The following EIF2AK4 variants were observed in gnomAD, a reference collection of about 807,000 sequenced individuals.
The protein encoded by EIF2AK4 is eukaryotic translation initiation factor 2 alpha kinase 4.
In EIF2AK4, 139 loss-of-function variants were observed where a neutral mutation model predicts 211.1. That is an observed-to-expected ratio of 0.66 (90% CI 0.57 to 0.76). The LOEUF (loss-of-function observed/expected upper bound fraction) is 0.76. EIF2AK4 is among the 30% of genes least tolerant of loss of function. The pLI is 0.00. For missense variants in EIF2AK4, 1,664 were observed against 2,043.8 expected (o/e 0.81, Z 3.58); for synonymous variants, 710 against 751.3 (o/e 0.94, Z 0.90).
At chr15:39,979,417 A>C (rs1318816287) in intron 13 of EIF2AK4, among the ~76,000 whole-genome samples, 2 of 152,228 alleles carry the variant, frequency 1.3e-5, no homozygotes, top group East Asian at 1.9e-4. Context: ...AAATCTGTTA[A>C]GTTTACTTTG....
intron 27 of EIF2AK4, among the ~76,000 whole-genome samples, chr15:40,013,334 G>A (rs146546174): frequency 1.1e-4 from 17 of 152,082 alleles, no homozygotes; most frequent in African/African-American, 3.4e-4. Flanking sequence ...GATAGCAGGC[G>A]TGAGCCATTG....
chr15:39,992,584 C>G, intron 17 of EIF2AK4, 185 bp from the exon 18 acceptor site: 1 of 608,572 alleles, frequency 1.6e-6, no homozygotes, highest in Non-Finnish European at 2.9e-6. Flanking sequence ...TTGTGTAGAA[C>G]CGAATGTGTG....
intron 32 of EIF2AK4, among the ~76,000 whole-genome samples, chr15:40,024,427 G>A (rs1211588094): frequency 4.0e-5 from 1 of 25,264 alleles, no homozygotes; most frequent in Non-Finnish European, 9.7e-5. Flanking sequence ...TTTTTTTTTT[G>A]AGATGGATTC....
At chr15:39,967,273 C>A (rs1355739252) in intron 8 of EIF2AK4, 71 bp from the exon 9 acceptor site, 1 of 1,459,086 alleles carries the variant, frequency 6.9e-7, no homozygotes, top group Admixed American at 2.5e-5. Flanking sequence ...TCAAATACTT[C>A]ACTTTTGAAA....
At chr15:39,950,526 G>A (rs530276282) in intron 4 of EIF2AK4, among the ~76,000 whole-genome samples, 1 of 151,804 alleles carries the variant, frequency 6.6e-6, no homozygotes, top group East Asian at 1.9e-4. Flanking sequence ...GGGAGGAGGA[G>A]GTTGCAGTGA....
Position 39,976,686 on chromosome 15 carries a change from G to T in EIF2AK4, c.2091G>T (p.Glu697Asp). 1 of 1,601,732 alleles carries T rather than the reference G, an allele frequency of 6.2e-7. No homozygotes were observed. ...ACACAGACGGCCTGGACAGCGTAGAGGCCGCCGCGCCGCCACCCATCCTCA... is the reference window on the plus strand; with the variant it reads ...ACACAGACGGCCTGGACAGCGTAGATGCCGCCGCGCCGCCACCCATCCTCA... ...ASDTDGLDSV[E>D]AAAPPPILSS... is the part of the protein sequence containing the mutation. The change falls in exon 12 of 39, where the codon GAG becomes GAT. Residue 697 changes from glutamate (E) to aspartate (D), a missense_variant. Glu to Asp is a conservative substitution (Grantham distance 45). Around this residue, in one of 7 missense-constraint regions of EIF2AK4, gnomAD observed 206 missense variants for 201.9 expected, o/e 1.02. Coordinates refer to ENST00000263791, the MANE Select transcript of EIF2AK4 (RefSeq NM_001013703.4).
rs770082929 is a variant in EIF2AK4, at chr15:39,976,576, C to T, written c.1981C>T (p.Arg661Trp). Residue 661 changes from arginine to tryptophan, a missense_variant, in exon 12 of 39, where the codon CGG (arginine) becomes TGG (tryptophan). By Grantham distance (101) the Arg-to-Trp change is moderately radical. Coordinates refer to ENST00000263791, the MANE Select transcript of EIF2AK4 (RefSeq NM_001013703.4). Reference sequence around the variant, plus strand: ...CAACGCCTGGATCGAGCGGCACGAGCGGCCGGCGGGACCGGGGACGCCGCC... The same window carrying T: ...CAACGCCTGGATCGAGCGGCACGAGTGGCCGGCGGGACCGGGGACGCCGCC... ...YYNAWIERHE[R>W]PAGPGTPPPD... The T allele has an allele frequency of 5.6e-6, 9 of 1,611,312 alleles. No individual in the cohort carries two copies. The highest frequency in any genetic ancestry group is 7.6e-6 in the Non-Finnish European group (9 of 1,179,244).
At chr15:40,020,282 GTATT>G (rs2035365719) in intron 30 of EIF2AK4, among the ~76,000 whole-genome samples, 1 of 151,310 alleles carries the variant, frequency 6.6e-6, no homozygotes, top group South Asian at 2.1e-4. Context: ...GAGAAAAATG[GTATT>G]TTCCAGATGG....
intron 13 of EIF2AK4, among the ~76,000 whole-genome samples, chr15:39,981,040 A>G (rs1194577089): frequency 1.3e-5 from 2 of 152,210 alleles, no homozygotes; most frequent in African/African-American, 2.4e-5. Flanking sequence ...CTACTAATAA[A>G]CATTTATTAG....
At chr15:39,936,479 C>T (rs1190255820) in intron 1 of EIF2AK4, among the ~76,000 whole-genome samples, 2 of 152,162 alleles carry the variant, frequency 1.3e-5, no homozygotes, top group African/African-American at 4.8e-5. Flanking sequence ...GTGGAGCAAT[C>T]TCGGCTCACT....
chr15:39,979,001 A>G (rs2412454), intron 13 of EIF2AK4, among the ~76,000 whole-genome samples: 47,538 of 152,190 alleles, frequency 0.31, 9,851 homozygotes, highest in Non-Finnish European at 0.47. Context: ...TGAAACGTTT[A>G]ACAAACTGAT....
intron 3 of EIF2AK4, among the ~76,000 whole-genome samples, chr15:39,945,810 C>G (rs1240092501): frequency 6.6e-6 from 1 of 152,182 alleles, no homozygotes; most frequent in Non-Finnish European, 1.5e-5. Context: ...ACTTACCATG[C>G]CCAAAGTTCC....
chr15:39,967,126 CT>C (rs1383548231), intron 8 of EIF2AK4, among the ~76,000 whole-genome samples: 1 of 152,086 alleles, frequency 6.6e-6, no homozygotes, highest in Admixed American at 6.5e-5. Context: ...TCTTTATGAA[CT>C]ATTAGATTGA....
intron 6 of EIF2AK4, among the ~76,000 whole-genome samples, chr15:39,959,842 T>C (rs2034441621): frequency 1.3e-5 from 2 of 152,216 alleles, no homozygotes; most frequent in African/African-American, 4.8e-5. Context: ...AGAACTACAA[T>C]GTATTTGCTG....
chr15:39,972,748 A>T (rs1182699227), intron 9 of EIF2AK4, among the ~76,000 whole-genome samples, 160 bp from the exon 10 acceptor site: 1 of 152,200 alleles, frequency 6.6e-6, no homozygotes, highest in Admixed American at 6.5e-5. Flanking sequence ...AGGAATGTTT[A>T]TTAATTTAAA....
intron 3 of EIF2AK4, among the ~76,000 whole-genome samples, chr15:39,945,375 T>C (rs1386895237): frequency 6.6e-6 from 1 of 152,166 alleles, no homozygotes; most frequent in African/African-American, 2.4e-5. Context: ...GAAGATCAAA[T>C]TAGCCACCAC....
chr15:40,001,809 T>C (rs1041626639), intron 21 of EIF2AK4, among the ~76,000 whole-genome samples: 1 of 152,100 alleles, frequency 6.6e-6, no homozygotes, highest in African/African-American at 2.4e-5. Flanking sequence ...CCAGGTCCCG[T>C]AGCCCATCTA....
chr15:39,975,523 T>C (rs975693530), intron 11 of EIF2AK4: 5 of 152,242 alleles, frequency 3.3e-5, no homozygotes, highest in African/African-American at 1.2e-4. Flanking sequence ...ATCACCTCAG[T>C]TGACCTGCAC....
intron 1 of EIF2AK4, among the ~76,000 whole-genome samples, 199 bp from the exon 2 acceptor site, chr15:39,939,305 TA>T (rs965042549): frequency 2.0e-5 from 3 of 152,318 alleles, no homozygotes; most frequent in African/African-American, 7.2e-5. Context: ...TTAGATAACT[TA>T]AAAAAGGAAA....
Sources: allele counts gnomAD v4.1 joint callset (sites outside exome capture counted in the v4.1 genomes callset), GRCh38; gene constraint gnomAD v4.1.1; regional missense constraint gnomAD v4.1.1; transcripts MANE v1.5; gene names NCBI Gene and HGNC (gene_info 2026-07-23, HGNC 2026-07-21).